LYPLAL1: variants seen among roughly 807,000 people sequenced by gnomAD.
LYPLAL1 encodes lysophospholipase-like protein 1.
In LYPLAL1, 23 loss-of-function variants were observed where a neutral mutation model predicts 19.7. That is an observed-to-expected ratio of 1.17 (90% CI 0.84 to 1.65). The LOEUF is 1.65. Ranked by LOEUF, LYPLAL1 falls within the 40% of genes most tolerant of loss-of-function variation. The pLI is 0.00. For synonymous variants in LYPLAL1, 119 were observed against 96.3 expected, an observed-to-expected ratio of 1.24 and a Z score of -1.38; for missense variants, 355 against 279.4, an observed-to-expected ratio of 1.27 and a Z score of -1.93.
chr1:219,411,691 G>C, the LYPLAL1 span: 2 of 153,052 alleles, frequency 1.3e-5, no homozygotes, highest in African/African-American at 4.8e-5. Flanking sequence ...TTGGGTCCAC[G>C]CTGCTTTTAC....
chr1:219,365,615 A>G, the LYPLAL1 span, among the ~76,000 whole-genome samples: 4 of 152,162 alleles, frequency 2.6e-5, no homozygotes, highest in African/African-American at 7.2e-5. Context: ...AGACCTGGGA[A>G]TGGTGCCAGA....
At chr1:219,416,927 G>T in the LYPLAL1 span, among the ~76,000 whole-genome samples, 27,397 of 151,984 alleles carry the variant, frequency 0.18, 2,782 homozygotes, top group Middle Eastern at 0.28. Context: ...ATTAGCCTGG[G>T]CTTATGGATT....
At chr1:219,198,276 G>A (rs1657775840) in intron 3 of LYPLAL1, among the ~76,000 whole-genome samples, 1 of 151,192 alleles carries the variant, frequency 6.6e-6, no homozygotes, top group South Asian at 2.1e-4. Context: ...TCAATTATAG[G>A]CACCAAAAAA....
chr1:219,284,246 G>A, the LYPLAL1 span, among the ~76,000 whole-genome samples: 1 of 152,172 alleles, frequency 6.6e-6, no homozygotes, highest in Non-Finnish European at 1.5e-5. Context: ...CCAGTCTTGG[G>A]TAGTATCTTT....
the LYPLAL1 span, among the ~76,000 whole-genome samples, chr1:219,301,358 CAT>C: frequency 2.6e-5 from 4 of 152,100 alleles, no homozygotes; most frequent in African/African-American, 2.4e-5. Context: ...GACATATAAA[CAT>C]GTGAGGGAGC....
chr1:219,413,878 C>G, the LYPLAL1 span, among the ~76,000 whole-genome samples: 2 of 152,164 alleles, frequency 1.3e-5, no homozygotes, highest in Non-Finnish European at 2.9e-5. Context: ...AGAATACTTT[C>G]CAGAGTGTGT....
chr1:219,309,566 TGGA>T, the LYPLAL1 span, among the ~76,000 whole-genome samples: 4 of 152,158 alleles, frequency 2.6e-5, no homozygotes, highest in African/African-American at 9.7e-5. Context: ...ATTTGAATCA[TGGA>T]GGAGGTGTCC....
chr1:219,356,651 C>T, the LYPLAL1 span, among the ~76,000 whole-genome samples: 3 of 152,050 alleles, frequency 2.0e-5, no homozygotes, highest in African/African-American at 7.2e-5. Flanking sequence ...GAAGAAAATC[C>T]AGCCTCACAA....
the LYPLAL1 span, among the ~76,000 whole-genome samples, chr1:219,220,694 G>A: frequency 2.6e-5 from 4 of 152,028 alleles, no homozygotes; most frequent in South Asian, 2.1e-4. Context: ...TGAGGAGAAC[G>A]CCCAACATTA....
chr1:219,273,272 A>G, the LYPLAL1 span: 2 of 152,370 alleles, frequency 1.3e-5, no homozygotes, highest in Admixed American at 6.5e-5. Flanking sequence ...GCAATAAAAT[A>G]GCAGTTTGAA....
chr1:219,338,397 A>G, the LYPLAL1 span, among the ~76,000 whole-genome samples: 5 of 152,124 alleles, frequency 3.3e-5, no homozygotes, highest in African/African-American at 1.2e-4. Flanking sequence ...AGCTATATGC[A>G]TGGGGTTTTC....
the LYPLAL1 span, among the ~76,000 whole-genome samples, chr1:219,258,796 T>C: frequency 6.6e-6 from 1 of 152,110 alleles, no homozygotes; most frequent in Non-Finnish European, 1.5e-5. Context: ...AAAAAGCTTC[T>C]GCACAGCAAA....
At chr1:219,381,989 C>A in the LYPLAL1 span, among the ~76,000 whole-genome samples, 4 of 152,166 alleles carry the variant, frequency 2.6e-5, no homozygotes, top group African/African-American at 4.8e-5. Context: ...GTAAACAGAT[C>A]TAGCCTGCAC....
chr1:219,243,517 A>G, the LYPLAL1 span, among the ~76,000 whole-genome samples: 2 of 152,192 alleles, frequency 1.3e-5, no homozygotes, highest in East Asian at 1.9e-4. Flanking sequence ...TTGAGGTTGT[A>G]GGCAGGTTAG....
At chr1:219,201,528 T>A (rs915866763) in intron 3 of LYPLAL1, among the ~76,000 whole-genome samples, 2 of 151,848 alleles carry the variant, frequency 1.3e-5, no homozygotes, top group Non-Finnish European at 2.9e-5. Flanking sequence ...TTGGAAGATA[T>A]GTTGACTTAT....
chr1:219,366,017 T>C, the LYPLAL1 span, among the ~76,000 whole-genome samples: 1 of 152,192 alleles, frequency 6.6e-6, no homozygotes, highest in Non-Finnish European at 1.5e-5. Flanking sequence ...CTTATCTCAG[T>C]TCTGGTTAGC....
the LYPLAL1 span, among the ~76,000 whole-genome samples, chr1:219,276,551 G>T: frequency 2.7e-4 from 41 of 152,218 alleles, no homozygotes; most frequent in African/African-American, 9.6e-4. Context: ...ACTCTGAGAA[G>T]TCACTGTAGA....
chr1:219,308,815 A>G, the LYPLAL1 span, among the ~76,000 whole-genome samples: 1 of 152,246 alleles, frequency 6.6e-6, no homozygotes. Flanking sequence ...CTGCTAGAGC[A>G]GTACAGAAGG....
the LYPLAL1 span, among the ~76,000 whole-genome samples, chr1:219,275,779 A>T: frequency 1.3e-5 from 2 of 152,112 alleles, no homozygotes; most frequent in African/African-American, 4.8e-5. Flanking sequence ...AATATATGCT[A>T]AAAACAATAT....
Sources: allele counts gnomAD v4.1 joint callset (sites outside exome capture counted in the v4.1 genomes callset), GRCh38; gene constraint gnomAD v4.1.1; transcripts MANE v1.5; gene names NCBI Gene and HGNC (gene_info 2026-07-23, HGNC 2026-07-21).